The following GAD2 variants were observed in gnomAD, a reference collection of about 807,000 sequenced individuals.
The protein encoded by GAD2 is glutamate decarboxylase 2.
Under a neutral mutation model 80.1 loss-of-function variants are expected in GAD2, and 22 were observed. The ratio of observed to expected loss-of-function variants is 0.27; its 90% CI spans 0.20 to 0.39. GAD2 has a LOEUF of 0.39. Ranked by LOEUF, GAD2 falls within the 10% of genes least tolerant of loss-of-function variation. The pLI is 1.00. For missense variants in GAD2, 624 were observed against 738.4 expected (o/e 0.85, Z 1.80); for synonymous variants, 274 against 256.9 (o/e 1.07, Z -0.64).
At position 26,273,632 on chromosome 10, in the gene GAD2, T is replaced by G. The variant is rs751330826; in HGVS notation, c.1093-4T>G. On this transcript the variant is annotated splice_region_variant and splice_polypyrimidine_tract_variant and intron_variant, in intron 10 of 15. Transcript: ENST00000376261. ...ACCATTTTCCTCATATGATTTTTTT[T>G]CAGGCAGCTTGGGGTGGGGGATTAC... 2 of 1,613,350 alleles carry G rather than the reference T, an allele frequency of 1.2e-6. No individual in the cohort carries two copies. The highest frequency in any genetic ancestry group is 2.7e-5 in the African/African-American group (2 of 74,888).
intron 11 of GAD2, among the ~76,000 whole-genome samples, chr10:26,278,701 G>A (rs1845239066): frequency 6.6e-6 from 1 of 152,010 alleles, no homozygotes. Context: ...CTCTCCAGGG[G>A]TAGTTATCTG....
At chr10:26,218,104 G>T (rs1278074078) in intron 3 of GAD2, 113 bp downstream of exon 3, 12 of 1,154,528 alleles carry the variant, frequency 1.0e-5, no homozygotes, top group East Asian at 2.6e-5. Context: ...AGGTGGCAGC[G>T]GAGGCGGGAC....
intron 8 of GAD2, among the ~76,000 whole-genome samples, chr10:26,248,963 C>A (rs1431236416): frequency 6.6e-6 from 1 of 152,226 alleles, no homozygotes; most frequent in African/African-American, 2.4e-5. Flanking sequence ...GCGAGAGGAT[C>A]TCCAGTCAGG....
chr10:26,283,199 G>A (rs1476654230), intron 12 of GAD2, among the ~76,000 whole-genome samples: 3 of 152,182 alleles, frequency 2.0e-5, no homozygotes, highest in African/African-American at 7.2e-5. Flanking sequence ...TACCTAACCT[G>A]TAGCATTCGA....
chr10:26,273,500 G>A (rs922396210), intron 10 of GAD2, 136 bp from the exon 11 acceptor site: 1 of 715,334 alleles, frequency 1.4e-6, no homozygotes, highest in Non-Finnish European at 2.5e-6. Context: ...AAACTCTGAA[G>A]GTTAGTGCCA....
chr10:26,226,789 C>T (rs987741245), intron 6 of GAD2, among the ~76,000 whole-genome samples: 1 of 152,146 alleles, frequency 6.6e-6, no homozygotes, highest in Admixed American at 6.5e-5. Flanking sequence ...ATGGAAAGTC[C>T]TTTAGGACTC....
rs201691653 is a variant in GAD2 at position 26,216,836 on chromosome 10, G to T, written c.27G>T (p.Trp9Cys). Residue 9 changes from tryptophan to cysteine, a missense_variant, in exon 1 of 16, where the codon TGG (tryptophan) becomes TGT (cysteine). Coordinates refer to ENST00000376261, the MANE Select transcript of GAD2 (RefSeq NM_001134366.2). The surrounding 1 kb of genome is among the most constrained non-coding windows in gnomAD (Gnocchi z 4.7). The stretch of plus-strand genomic sequence containing the variant: ...TGGCATCTCCGGGCTCTGGCTTTTG[G>T]TCTTTCGGGTCGGAAGATGGCTCTG... MASPGSGF[W>C]SFGSEDGSGD... 3.7e-6 allele frequency: 6 copies of T among 1,612,906 alleles called. No individual in the cohort carries two copies. The Admixed American group carries it at 1.0e-4, about 27-fold the overall frequency.
chr10:26,238,724 A>C (rs1437927383), intron 7 of GAD2, among the ~76,000 whole-genome samples: 1 of 152,238 alleles, frequency 6.6e-6, no homozygotes, highest in African/African-American at 2.4e-5. Flanking sequence ...TTATAATTAG[A>C]AACCAATGAG....
At chr10:26,240,488 T>C (rs1023137761) in intron 7 of GAD2, among the ~76,000 whole-genome samples, 1 of 152,172 alleles carries the variant, frequency 6.6e-6, no homozygotes, top group Non-Finnish European at 1.5e-5. Flanking sequence ...TTACTCTTCC[T>C]TGGGAGGCTG....
chr10:26,273,062 A>T (rs1845155614), intron 10 of GAD2, among the ~76,000 whole-genome samples: 1 of 152,234 alleles, frequency 6.6e-6, no homozygotes, highest in Non-Finnish European at 1.5e-5. Flanking sequence ...CACCAATTCA[A>T]ATCTTCAACC....
chr10:26,286,011 T>A (rs1417546832), intron 12 of GAD2, among the ~76,000 whole-genome samples: 1 of 152,204 alleles, frequency 6.6e-6, no homozygotes, highest in Admixed American at 6.5e-5. Context: ...GGGGAACATT[T>A]AAATATAAAT....
chr10:26,238,049 A>ACAC (rs1844697184), intron 7 of GAD2, among the ~76,000 whole-genome samples: 3 of 145,506 alleles, frequency 2.1e-5, no homozygotes, highest in Admixed American at 1.4e-4. Context: ...CACACACACA[A>ACAC]GAAAAGAAAG....
intron 8 of GAD2, among the ~76,000 whole-genome samples, chr10:26,247,682 G>A (rs1410260485): frequency 1.3e-5 from 2 of 151,890 alleles, no homozygotes; most frequent in African/African-American, 4.8e-5. Flanking sequence ...GATAACCTGA[G>A]GTCAGGAGTT....
rs1844423163 is a variant in GAD2 at position 26,219,190 on chromosome 10, A to G, written c.434A>G (p.Tyr145Cys). ...TATCCTAATGAGCTTCTCCAAGAAT[A>G]TAATTGGGAATTGGCAGACCAACCA... ...FHYPNELLQE[Y>C]NWELADQPQN... Residue 145 changes from tyrosine to cysteine, a missense_variant, in exon 4 of 16, where the codon TAT (tyrosine) becomes TGT (cysteine). Tyr to Cys is a radical substitution (Grantham distance 194). Coordinates refer to ENST00000376261, the MANE Select transcript of GAD2 (RefSeq NM_001134366.2). The G allele has an allele frequency of 1.2e-6, 2 of 1,613,792 alleles. No individual in the cohort carries two copies. Among genetic ancestry groups the G allele is most frequent in the South Asian group, 1.1e-5 (1 of 90,874 alleles).
At position 26,302,888 on chromosome 10, in the gene GAD2, A is replaced by AT. The variant is rs1834342604; in HGVS notation, c.*1929dup. On this transcript the variant is annotated 3_prime_UTR_variant, in exon 16 of 16. Coordinates refer to ENST00000376261, the MANE Select transcript of GAD2 (RefSeq NM_001134366.2). ...GAATTTCATGAAGGAGTAACCTTCC[A>AT]TTCTAGGCTTTGTCTAATGGCCAAG... 6.6e-6 allele frequency: 1 copy of AT among 152,222 alleles called. No homozygotes were observed. Among genetic ancestry groups the AT allele is most frequent in the Non-Finnish European group, 1.5e-5 (1 of 68,050 alleles). 9.4% of individuals were successfully genotyped at this position (152,222 alleles called of 1,614,324 possible).
intron 15 of GAD2, among the ~76,000 whole-genome samples, chr10:26,298,366 C>T (rs546564799): frequency 2.6e-4 from 40 of 152,284 alleles, no homozygotes; most frequent in African/African-American, 8.4e-4. Flanking sequence ...GTTCATGTTC[C>T]GGCTAATTTT....
intron 10 of GAD2, among the ~76,000 whole-genome samples, 200 bp from the exon 11 acceptor site, chr10:26,273,436 A>G (rs1056240066): frequency 1.3e-5 from 2 of 152,188 alleles, no homozygotes; most frequent in African/African-American, 4.8e-5. Flanking sequence ...GTGGCTCCTT[A>G]CACCCATATA....
chr10:26,217,931 G>C lies in GAD2; in HGVS notation c.226G>C (p.Asp76His). 1 of 1,611,810 alleles carries C rather than the reference G, an allele frequency of 6.2e-7. No individual in the cohort carries two copies. The highest frequency in any genetic ancestry group is 2.2e-5 in the East Asian group (1 of 44,812). Residue 76 changes from aspartate to histidine, a missense_variant, in exon 3 of 16, where the codon GAC becomes CAC. Asp to His is a moderately conservative substitution (Grantham distance 81). Transcript: ENST00000376261. The surrounding 1 kb of genome is among the most constrained non-coding windows in gnomAD (Gnocchi z 4.9). ...CGCCCGGAAGGCCGCCTGCGCCTGC[G>C]ACCAGAAGCCCTGCAGCTGCTCCAA... Reference protein sequence around the residue: ...AAARKAACACDQKPCSCSKVD... With the variant: ...AAARKAACACHQKPCSCSKVD...
chr10:26,217,684 A>T lies in GAD2; in HGVS notation c.136+15A>T. ...CAAACTGTGCGGTGAGTGCCCAGGG[A>T]CCGGGGCGGCCAAGGTCGGCCCGCG... is the stretch of plus-strand genomic sequence containing the variant. On this transcript the variant is annotated intron_variant, in intron 2 of 15. Transcript: ENST00000376261. The surrounding 1 kb of genome is among the most constrained non-coding windows in gnomAD (Gnocchi z 4.9). The T allele has an allele frequency of 6.2e-7, 1 of 1,612,660 alleles. No individual in the cohort carries two copies. The highest frequency in any genetic ancestry group is 8.5e-7 in the Non-Finnish European group (1 of 1,179,352).
Sources: allele counts gnomAD v4.1 joint callset (sites outside exome capture counted in the v4.1 genomes callset), GRCh38; gene constraint gnomAD v4.1.1; non-coding constraint Gnocchi (gnomAD v3.1); transcripts MANE v1.5; gene names NCBI Gene and HGNC (gene_info 2026-07-23, HGNC 2026-07-21).